Variants in PRKCA observed in about 807,000 individuals in gnomAD.
PRKCA encodes the protein protein kinase C alpha type.
A neutral mutation model predicts 87.0 loss-of-function variants in PRKCA; 27 were observed. The ratio of observed to expected loss-of-function variants is 0.31; its 90% CI spans 0.23 to 0.43. The LOEUF is 0.43. PRKCA is among the 20% of genes least tolerant of loss of function. The probability of loss-of-function intolerance (pLI) is 1.00; values close to 1 mark genes in which losing one functional copy is unlikely to be tolerated. For missense variants in PRKCA, 518 were observed against 852.3 expected (o/e 0.61, Z 4.88); for synonymous variants, 329 against 311.1 (o/e 1.06, Z -0.61).
chr17:66,331,825 G>T (rs1426567649), intron 2 of PRKCA, among the ~76,000 whole-genome samples: 1 of 152,174 alleles, frequency 6.6e-6, no homozygotes, highest in African/African-American at 2.4e-5. Flanking sequence ...TATTATCTTT[G>T]TTTCTGGGAA....
chr17:66,734,540 AT>A (rs1475489420), intron 9 of PRKCA, among the ~76,000 whole-genome samples: 1 of 152,178 alleles, frequency 6.6e-6, no homozygotes, highest in Non-Finnish European at 1.5e-5. Flanking sequence ...GCCAGAGGTT[AT>A]TCTCATCGCC....
chr17:66,432,050 T>C (rs1160890252), intron 2 of PRKCA, among the ~76,000 whole-genome samples: 1 of 152,154 alleles, frequency 6.6e-6, no homozygotes, highest in Non-Finnish European at 1.5e-5. Context: ...TTTTAGTGAC[T>C]CATATTCAAG....
At chr17:66,366,851 A>G (rs1056834149) in intron 2 of PRKCA, among the ~76,000 whole-genome samples, 11 of 152,228 alleles carry the variant, frequency 7.2e-5, no homozygotes, top group African/African-American at 2.7e-4. Flanking sequence ...ACAAAATTCC[A>G]AAATCAGTCT....
intron 2 of PRKCA, among the ~76,000 whole-genome samples, chr17:66,380,797 G>A (rs964128900): frequency 2.6e-5 from 4 of 152,050 alleles, no homozygotes; most frequent in Non-Finnish European, 4.4e-5. Context: ...CCTGAATCAC[G>A]ATAGTTTAAC....
intron 4 of PRKCA, among the ~76,000 whole-genome samples, chr17:66,643,702 CAGG>C (rs555046882): frequency 1.3e-3 from 202 of 152,244 alleles, no homozygotes; most frequent in African/African-American, 4.7e-3. Flanking sequence ...TTTCTGGAGA[CAGG>C]AGGAGAGCAA....
intron 5 of PRKCA, among the ~76,000 whole-genome samples, chr17:66,681,742 A>G (rs999034505): frequency 2.0e-5 from 3 of 152,196 alleles, no homozygotes; most frequent in African/African-American, 7.2e-5. Context: ...TCCCTAAGTG[A>G]TGCTGCCCCT....
intron 2 of PRKCA, among the ~76,000 whole-genome samples, chr17:66,494,192 T>C (rs1397799805): frequency 6.6e-6 from 1 of 152,170 alleles, no homozygotes; most frequent in Non-Finnish European, 1.5e-5. Flanking sequence ...AACTGTATTA[T>C]CATTGGTGAG....
At chr17:66,687,063 A>G in intron 5 of PRKCA, 48 bp from the exon 6 acceptor site, 2 of 1,511,384 alleles carry the variant, frequency 1.3e-6, no homozygotes, top group Admixed American at 1.8e-5. Context: ...AGCGGGCAAT[A>G]TAGGTCTGTT....
intron 2 of PRKCA, among the ~76,000 whole-genome samples, chr17:66,469,102 C>T (rs978866552): frequency 1.3e-5 from 2 of 152,180 alleles, no homozygotes; most frequent in Admixed American, 1.3e-4. Flanking sequence ...AACGAGGCTC[C>T]ATGGCCACAG....
chr17:66,707,822 G>C (rs1216192648), intron 8 of PRKCA, among the ~76,000 whole-genome samples: 1 of 152,156 alleles, frequency 6.6e-6, no homozygotes, highest in Non-Finnish European at 1.5e-5. Context: ...AGCTAGCCTA[G>C]ATCAGCGGGA....
rs1471840895 is a variant in PRKCA, at chr17:66,807,748, G to A, written c.*3711G>A. On this transcript the variant is annotated 3_prime_UTR_variant, in exon 17 of 17. Transcript: ENST00000413366. The surrounding 1 kb of genome is among the most constrained non-coding windows in gnomAD (Gnocchi z 4.3). ...CACCTCTCGGAGCCAAAGTCCTTAGGCGAGTGTGGTGACTTCCTGGAAGGA... is the reference window on the plus strand; with the variant it reads ...CACCTCTCGGAGCCAAAGTCCTTAGACGAGTGTGGTGACTTCCTGGAAGGA... The A allele has an allele frequency of 1.3e-5, 2 of 152,234 alleles. No individual in the cohort carries two copies. The highest frequency in any genetic ancestry group is 4.8e-5 in the African/African-American group (2 of 41,452). 9.4% of individuals were successfully genotyped at this position (152,234 alleles called of 1,614,324 possible).
Position 66,792,030 on chromosome 17 carries a change from A to G in PRKCA, c.1854+3051A>G, listed in dbSNP as rs576362591. ...TGCTGCTGGAGAAACGATCAGGCAA[A>G]TGTCACACAGCTAGCGACTCTCACC... On this transcript the variant is annotated intron_variant, in intron 16 of 16. Transcript: ENST00000413366. The surrounding 1 kb of genome is among the most constrained non-coding windows in gnomAD (Gnocchi z 4.5). 4.6e-5 allele frequency among the ~76,000 whole-genome samples: 7 copies of G among 152,292 alleles called. No homozygotes were observed. The highest frequency in any genetic ancestry group is 1.7e-4 in the African/African-American group (7 of 41,576).
chr17:66,666,595 C>T (rs949675194), intron 5 of PRKCA, among the ~76,000 whole-genome samples: 4 of 152,172 alleles, frequency 2.6e-5, no homozygotes, highest in Admixed American at 2.6e-4. Flanking sequence ...TCTTGCTTTC[C>T]TCATTTCCTA....
chr17:66,605,228 A>T (rs1196246939), intron 3 of PRKCA, among the ~76,000 whole-genome samples: 1 of 152,224 alleles, frequency 6.6e-6, no homozygotes, highest in Non-Finnish European at 1.5e-5. Flanking sequence ...GAAAGGCATT[A>T]GCACCATTTC....
chr17:66,777,311 G>A (rs984181205), intron 14 of PRKCA: 2 of 985,030 alleles, frequency 2.0e-6, no homozygotes, highest in Non-Finnish European at 2.4e-6. Context: ...ATACTGAAAT[G>A]GTCTTGTAGA....
intron 2 of PRKCA, among the ~76,000 whole-genome samples, chr17:66,331,921 C>A (rs190072498): frequency 5.6e-4 from 86 of 152,296 alleles, no homozygotes; most frequent in African/African-American, 2.0e-3. Flanking sequence ...GAAACTTTCT[C>A]CAAGACAATA....
At position 66,624,787 on chromosome 17, in the gene PRKCA, C is replaced by CAAACAAAT. The variant is rs967892105; in HGVS notation, c.289-16565_289-16564insCAAATAAA. 3.8e-3 allele frequency among the ~76,000 whole-genome samples: 546 copies of CAAACAAAT among 143,716 alleles called. 3 individuals are homozygous for CAAACAAAT. The highest frequency in any genetic ancestry group is 0.013 in the African/African-American group (512 of 38,610). The allele number at this position is 143,716 out of a possible 152,430, so 94.3% of individuals were successfully genotyped here. On this transcript the variant is annotated intron_variant, in intron 3 of 16. Transcript: ENST00000413366. ...TAGGTGACAGAGTGAGACTCCATCT[C>CAAACAAAT]AAATAAATAAATAAATAAATAAATA...
intron 3 of PRKCA, among the ~76,000 whole-genome samples, chr17:66,501,807 G>A (rs963753104): frequency 2.0e-5 from 3 of 152,226 alleles, no homozygotes; most frequent in Admixed American, 6.5e-5. Flanking sequence ...TGGGCAGGTA[G>A]AAGTCGAGAG....
chr17:66,752,779 T>C (rs1286073238), intron 13 of PRKCA, among the ~76,000 whole-genome samples: 1 of 152,210 alleles, frequency 6.6e-6, no homozygotes, highest in Non-Finnish European at 1.5e-5. Context: ...CTTCTTTCCA[T>C]GCAGCCACTT....
Sources: gnomAD v4.1 joint callset for allele counts (sites outside exome capture counted in the v4.1 genomes callset) on GRCh38, gnomAD v4.1.1 for gene constraint, Gnocchi (gnomAD v3.1) non-coding constraint, MANE v1.5 for transcripts, NCBI Gene and HGNC (gene_info 2026-07-23, HGNC 2026-07-21) for gene names.